The following ADGRV1 variants were observed in gnomAD, a reference collection of about 807,000 sequenced individuals.
ADGRV1 encodes adhesion G protein-coupled receptor V1.
A neutral mutation model predicts 596.2 loss-of-function variants in ADGRV1; 359 were observed. That is an observed-to-expected ratio of 0.60 (90% CI 0.55 to 0.66). The LOEUF is 0.66. Among genes scored for constraint, ADGRV1 ranks in the 30% least tolerant of loss-of-function variants. The probability of loss-of-function intolerance (pLI) is 0.00; values close to 1 mark genes in which losing one functional copy is unlikely to be tolerated. For synonymous variants in ADGRV1, 2,681 were observed against 2,679.2 expected, an observed-to-expected ratio of 1.00 and a Z score of -0.02; for missense variants, 7,274 against 7,575.6, an observed-to-expected ratio of 0.96 and a Z score of 1.48.
chr5:90,885,157 G>T (rs1484949908), intron 83 of ADGRV1, among the ~76,000 whole-genome samples: 2 of 152,082 alleles, frequency 1.3e-5, no homozygotes, highest in Non-Finnish European at 2.9e-5. Context: ...GTTTTATTTG[G>T]TGAAGAAAAT....
intron 58 of ADGRV1, 168 bp from the exon 59 acceptor site, chr5:90,763,137 A>G: frequency 1.9e-6 from 1 of 533,876 alleles, no homozygotes; most frequent in Non-Finnish European, 3.2e-6. Flanking sequence ...GCATCTAGGA[A>G]TAGAAAGTGG....
intron 87 of ADGRV1, among the ~76,000 whole-genome samples, chr5:91,149,466 T>C (rs1297158929): frequency 6.6e-6 from 1 of 152,168 alleles, no homozygotes; most frequent in Non-Finnish European, 1.5e-5. Flanking sequence ...CCTTCCACCA[T>C]GATGTTAAGT....
rs1181180547 is a variant in ADGRV1, at chr5:90,728,662, C to T, written c.10162-7C>T. 2 of 1,600,164 alleles carry T rather than the reference C, an allele frequency of 1.2e-6. No homozygotes were observed. The highest frequency in any genetic ancestry group is 3.4e-5 in the Admixed American group (2 of 58,462). On this transcript the variant is annotated splice_region_variant and splice_polypyrimidine_tract_variant and intron_variant, in intron 48 of 89. Coordinates refer to ENST00000405460, the MANE Select transcript of ADGRV1 (RefSeq NM_032119.4). ...TAAAGGGTTTTGTATTTCAACATTT[C>T]CTTCAGGTCTTCAGGTGGAATGGAG...
At chr5:90,708,488 A>G (rs1232658269) in intron 38 of ADGRV1, among the ~76,000 whole-genome samples, 5 of 151,694 alleles carry the variant, frequency 3.3e-5, no homozygotes, top group Non-Finnish European at 7.4e-5. Context: ...TTAGATATTA[A>G]GGTAATTTCA....
At chr5:90,598,903 A>G (rs1306380952) in intron 1 of ADGRV1, among the ~76,000 whole-genome samples, 1 of 152,212 alleles carries the variant, frequency 6.6e-6, no homozygotes, top group Non-Finnish European at 1.5e-5. Context: ...GCTATAAGAC[A>G]ATTTTAATCA....
intron 5 of ADGRV1, 101 bp downstream of exon 5, chr5:90,622,802 G>GC (rs1764258391): frequency 4.6e-6 from 2 of 433,320 alleles, no homozygotes; most frequent in Non-Finnish European, 7.9e-6. Context: ...GTGCAGTGGT[G>GC]CGATCTCAGC....
At chr5:90,955,031 A>C (rs1465817775) in intron 83 of ADGRV1, among the ~76,000 whole-genome samples, 4 of 151,470 alleles carry the variant, frequency 2.6e-5, no homozygotes, top group African/African-American at 9.8e-5. Context: ...CACTTAGAAG[A>C]AAAGACCAGA....
intron 85 of ADGRV1, among the ~76,000 whole-genome samples, chr5:91,026,692 A>G (rs1237591469): frequency 6.6e-6 from 1 of 152,132 alleles, no homozygotes; most frequent in Admixed American, 6.5e-5. Flanking sequence ...TGCCAAAAAG[A>G]CCTGGCAGGT....
At chr5:90,913,340 C>T (rs1561931396) in intron 83 of ADGRV1, among the ~76,000 whole-genome samples, 2 of 152,190 alleles carry the variant, frequency 1.3e-5, no homozygotes, top group African/African-American at 4.8e-5. Context: ...GCCCAAAGTA[C>T]AAGCCTGAAT....
At chr5:90,987,289 G>A (rs1443093619) in intron 85 of ADGRV1, among the ~76,000 whole-genome samples, 1 of 151,984 alleles carries the variant, frequency 6.6e-6, no homozygotes, top group African/African-American at 2.4e-5. Context: ...GACCATTCTG[G>A]TGAAACCCCA....
intron 83 of ADGRV1, among the ~76,000 whole-genome samples, chr5:90,896,909 T>TATGGCAGG (rs1771380761): frequency 6.6e-6 from 1 of 152,198 alleles, no homozygotes; most frequent in Non-Finnish European, 1.5e-5. Context: ...TGGATGACAT[T>TATGGCAGG]CCCCTTATGG....
intron 87 of ADGRV1, among the ~76,000 whole-genome samples, chr5:91,108,011 A>G (rs1389272934): frequency 6.6e-6 from 1 of 152,216 alleles, no homozygotes; most frequent in Non-Finnish European, 1.5e-5. Flanking sequence ...CTCATGTTTA[A>G]TGAGCTTAAT....
chr5:90,964,902 A>T (rs1267386871), intron 83 of ADGRV1, among the ~76,000 whole-genome samples: 1 of 152,214 alleles, frequency 6.6e-6, no homozygotes, highest in Non-Finnish European at 1.5e-5. Flanking sequence ...GCTTGAAGGC[A>T]CTTGAAATAA....
chr5:90,622,761 G>T, intron 5 of ADGRV1, 60 bp downstream of exon 5: 1 of 852,344 alleles, frequency 1.2e-6, no homozygotes, highest in Non-Finnish European at 1.7e-6. Context: ...ATTTATTTTT[G>T]AGACAGTCTT....
At chr5:91,152,346 T>C (rs1796129884) in intron 88 of ADGRV1, among the ~76,000 whole-genome samples, 1 of 152,210 alleles carries the variant, frequency 6.6e-6, no homozygotes, top group South Asian at 2.1e-4. Flanking sequence ...TGAAAGTATT[T>C]TTCTCAATTT....
In ADGRV1 at chr5:90,854,123, T is replaced by C; in HGVS notation, c.17516T>C (p.Leu5839Pro). 1 of 1,578,456 alleles carries C rather than the reference T, an allele frequency of 6.3e-7. No homozygotes were observed. Among genetic ancestry groups the C allele is most frequent in the Non-Finnish European group, 8.6e-7 (1 of 1,159,250 alleles). ...SQLLTNDNEV[L>P]YRIYAAEPRI... is the part of the protein sequence containing the mutation. ...CTCCTGACTAATGACAATGAGGTTC[T>C]CTACAGGATTTATGCTGCTGAGCCT... Residue 5839 changes from leucine (L) to proline (P), a missense_variant, in exon 81 of 90, where the codon CTC (leucine) becomes CCC (proline). Physicochemically the swap from Leu to Pro is moderately conservative, Grantham distance 98. Transcript: ENST00000405460.
At chr5:90,869,962 T>A (rs1313961869) in intron 83 of ADGRV1, among the ~76,000 whole-genome samples, 1 of 152,190 alleles carries the variant, frequency 6.6e-6, no homozygotes, top group Non-Finnish European at 1.5e-5. Flanking sequence ...ATTTACTCTG[T>A]CACCAAATGA....
intron 87 of ADGRV1, among the ~76,000 whole-genome samples, chr5:91,135,461 A>G (rs1177115563): frequency 6.6e-6 from 1 of 152,176 alleles, no homozygotes; most frequent in East Asian, 1.9e-4. Flanking sequence ...TTGGGATCTG[A>G]GTCATAGGAG....
chr5:91,063,713 G>T (rs1325794680), intron 85 of ADGRV1, among the ~76,000 whole-genome samples: 1 of 152,178 alleles, frequency 6.6e-6, no homozygotes. Flanking sequence ...CAGCCTCAAA[G>T]AACATGTTTA....
Sources: allele counts gnomAD v4.1 joint callset (sites outside exome capture counted in the v4.1 genomes callset), GRCh38; gene constraint gnomAD v4.1.1; transcripts MANE v1.5; gene names NCBI Gene and HGNC (gene_info 2026-07-23, HGNC 2026-07-21).